The following TEKT5 variants were observed in gnomAD, a reference collection of about 807,000 sequenced individuals.
TEKT5 encodes tektin 5.
In TEKT5, 52 loss-of-function variants were observed where a neutral mutation model predicts 48.7. The observed-to-expected ratio is 1.07, with a 90% CI of 0.86 to 1.35. The LOEUF is 1.35. TEKT5 is among the 40% of genes most tolerant of loss of function. The pLI, the probability that TEKT5 is intolerant of heterozygous loss-of-function variation, is 0.00. For missense variants in TEKT5, 831 were observed against 641.6 expected (o/e 1.30, Z -3.19); for synonymous variants, 318 against 267.6 (o/e 1.19, Z -1.84).
intron 4 of TEKT5, among the ~76,000 whole-genome samples, chr16:10,677,610 C>T (rs899589794): frequency 2.1e-5 from 3 of 145,946 alleles, no homozygotes; most frequent in Non-Finnish European, 4.4e-5. Flanking sequence ...CCCTGTCCCC[C>T]CCAACAAAAA....
intron 5 of TEKT5, among the ~76,000 whole-genome samples, chr16:10,638,108 G>A (rs1897941291): frequency 6.6e-6 from 1 of 152,142 alleles, no homozygotes; most frequent in Admixed American, 6.5e-5. Flanking sequence ...CACAGCACCT[G>A]GTGGGAGTCT....
intron 1 of TEKT5, among the ~76,000 whole-genome samples, chr16:10,690,325 C>G (rs1230343660): frequency 6.6e-6 from 1 of 152,210 alleles, no homozygotes; most frequent in East Asian, 1.9e-4. Context: ...AGCCCCAAGC[C>G]TTCCCACAAT....
intron 5 of TEKT5, among the ~76,000 whole-genome samples, chr16:10,653,496 C>A (rs1313575620): frequency 1.3e-5 from 2 of 152,238 alleles, no homozygotes; most frequent in African/African-American, 4.8e-5. Flanking sequence ...TGCTGTGTGA[C>A]CTTGCATGGA....
chr16:10,637,757 A>C (rs2466122), intron 5 of TEKT5, among the ~76,000 whole-genome samples: 7,861 of 152,292 alleles, frequency 0.052, 586 homozygotes, highest in African/African-American at 0.17. Flanking sequence ...AAAGTCAAAT[A>C]CAAGACGCGA....
intron 6 of TEKT5, among the ~76,000 whole-genome samples, chr16:10,629,165 G>A (rs1056745304): frequency 6.6e-6 from 1 of 152,222 alleles, no homozygotes; most frequent in East Asian, 1.9e-4. Flanking sequence ...AAACATCACA[G>A]AACTAGAGAG....
chr16:10,636,228 A>G (rs1200716825), intron 5 of TEKT5, among the ~76,000 whole-genome samples: 1 of 152,028 alleles, frequency 6.6e-6, no homozygotes, highest in African/African-American at 2.4e-5. Flanking sequence ...AACAAAAATT[A>G]GCCGGGCGTG....
chr16:10,676,484 G>A (rs963060659), intron 4 of TEKT5, among the ~76,000 whole-genome samples: 7 of 152,122 alleles, frequency 4.6e-5, no homozygotes, highest in African/African-American at 1.7e-4. Context: ...ATTTTACAGG[G>A]GAAGCAAGAG....
intron 5 of TEKT5, among the ~76,000 whole-genome samples, chr16:10,665,901 C>A (rs186282288): frequency 6.6e-6 from 1 of 152,194 alleles, no homozygotes; most frequent in African/African-American, 2.4e-5. Context: ...GATAGCAGAG[C>A]CTCTGAAAGC....
At chr16:10,659,943 T>C (rs1284312009) in intron 5 of TEKT5, among the ~76,000 whole-genome samples, 1 of 152,206 alleles carries the variant, frequency 6.6e-6, no homozygotes, top group Non-Finnish European at 1.5e-5. Context: ...TAGTTAATTT[T>C]ATGTTATGCG....
At chr16:10,678,117 C>G (rs2719714) in intron 4 of TEKT5, among the ~76,000 whole-genome samples, 76,336 of 151,982 alleles carry the variant, frequency 0.5, 20,893 homozygotes, top group East Asian at 0.82. Context: ...ATTTCTTTGA[C>G]CTGGCTTCAG....
intron 5 of TEKT5, among the ~76,000 whole-genome samples, chr16:10,636,261 G>C (rs374156002): frequency 4.5e-4 from 68 of 152,196 alleles, no homozygotes; most frequent in African/African-American, 1.6e-3. Flanking sequence ...TGTAATCCCA[G>C]CTACTCGGGG....
chr16:10,627,693 G>T lies in TEKT5; in HGVS notation c.1348C>A (p.Leu450Met). Residue 450 changes from leucine (L) to methionine (M), a missense_variant, in exon 7 of 7, where the codon CTG becomes ATG. By Grantham distance (15) the Leu-to-Met change is conservative. Coordinates refer to ENST00000283025, the MANE Select transcript of TEKT5 (RefSeq NM_144674.2). ...LQLLVMTKCRLEHELAIKANT... is the reference protein window; with the variant it reads ...LQLLVMTKCRMEHELAIKANT... ...GCCTTGATGGCGAGCTCGTGCTCCA[G>T]CCGGCACTTGGTCATGACCAGCAGC... 6.2e-7 allele frequency: 1 copy of T among 1,614,194 alleles called. No homozygotes were observed. Among genetic ancestry groups the T allele is most frequent in the Non-Finnish European group, 8.5e-7 (1 of 1,180,048 alleles).
intron 6 of TEKT5, 131 bp from the exon 7 acceptor site, chr16:10,627,930 C>T: frequency 1.4e-6 from 1 of 716,326 alleles, no homozygotes. Context: ...GCAACCTCTG[C>T]CTCCCGGGTT....
intron 5 of TEKT5, among the ~76,000 whole-genome samples, chr16:10,640,617 A>G (rs2541530): frequency 0.4 from 61,442 of 151,898 alleles, 15,760 homozygotes; most frequent in African/African-American, 0.72. Flanking sequence ...TTTACAATCC[A>G]TCTCTCCTGC....
chr16:10,648,978 C>A (rs900495035), intron 5 of TEKT5, among the ~76,000 whole-genome samples: 1 of 152,214 alleles, frequency 6.6e-6, no homozygotes, highest in Non-Finnish European at 1.5e-5. Context: ...GAGACAAGTT[C>A]TCTCTCTGTT....
intron 6 of TEKT5, among the ~76,000 whole-genome samples, chr16:10,631,354 G>GGGGT (rs1190139735): frequency 3.7e-4 from 54 of 147,636 alleles, no homozygotes; most frequent in African/African-American, 1.3e-3. Context: ...CCATGGGGTG[G>GGGGT]GGGCGGGGGA....
At chr16:10,675,602 A>T (rs1401907354) in intron 5 of TEKT5, among the ~76,000 whole-genome samples, 1 of 152,168 alleles carries the variant, frequency 6.6e-6, no homozygotes, top group Non-Finnish European at 1.5e-5. Context: ...TGGACGGAGA[A>T]GATGTGCAGA....
chr16:10,634,344 C>G (rs553863652), intron 6 of TEKT5, among the ~76,000 whole-genome samples: 1 of 152,122 alleles, frequency 6.6e-6, no homozygotes, highest in African/African-American at 2.4e-5. Flanking sequence ...TGAGGATGGT[C>G]CTTTCAATCT....
chr16:10,650,707 C>G (rs1898141819), intron 5 of TEKT5, among the ~76,000 whole-genome samples: 1 of 151,722 alleles, frequency 6.6e-6, no homozygotes, highest in Non-Finnish European at 1.5e-5. Context: ...AACATGGTGA[C>G]ACCCCGTCTC....
Sources: gnomAD v4.1 joint callset for allele counts (sites outside exome capture counted in the v4.1 genomes callset) on GRCh38, gnomAD v4.1.1 for gene constraint, MANE v1.5 for transcripts, NCBI Gene and HGNC (gene_info 2026-07-23, HGNC 2026-07-21) for gene names.